Variants in LURAP1L observed in about 807,000 individuals in gnomAD.
LURAP1L encodes leucine rich adaptor protein 1 like, also known as leucine rich adaptor protein 1-like.
LURAP1L carries 12 observed loss-of-function variants against 13.8 expected under a neutral mutation model. That is an observed-to-expected ratio of 0.87 (90% confidence interval 0.56 to 1.41). The LOEUF (loss-of-function observed/expected upper bound fraction) is 1.41, where lower values mean the gene tolerates loss of function less well. Ranked by LOEUF, LURAP1L falls within the 40% of genes most tolerant of loss-of-function variation. The probability of loss-of-function intolerance (pLI) is 0.00; values close to 1 mark genes in which losing one functional copy is unlikely to be tolerated. For synonymous variants in LURAP1L, 139 were observed against 119.2 expected (o/e 1.17, Z -1.08); for missense variants, 375 against 292.9 (o/e 1.28, Z -2.04).
intron 1 of LURAP1L, among the ~76,000 whole-genome samples, chr9:12,778,581 G>C (rs1405804171): frequency 4.6e-5 from 7 of 152,254 alleles, no homozygotes; most frequent in African/African-American, 1.4e-4. Context: ...GACTGATGAA[G>C]GCCTAGATAT....
At chr9:12,797,251 A>T (rs886458376) in intron 1 of LURAP1L, among the ~76,000 whole-genome samples, 2 of 151,938 alleles carry the variant, frequency 1.3e-5, no homozygotes, top group Non-Finnish European at 2.9e-5. Flanking sequence ...ATCACCACCC[A>T]CTGCTCCTTA....
intron 1 of LURAP1L, among the ~76,000 whole-genome samples, chr9:12,778,394 G>A (rs953304102): frequency 2.0e-5 from 3 of 152,158 alleles, no homozygotes; most frequent in South Asian, 2.1e-4. Context: ...TGTTAACATA[G>A]GAATAAGAGC....
chr9:12,776,171 A>C, intron 1 of LURAP1L, 144 bp downstream of exon 1: 1 of 836,102 alleles, frequency 1.2e-6, no homozygotes, highest in Non-Finnish European at 1.9e-6. Context: ...TGGAGGAATG[A>C]GCAGGGGGCG....
chr9:12,808,342 A>G (rs1461551191), intron 1 of LURAP1L, among the ~76,000 whole-genome samples: 1 of 152,130 alleles, frequency 6.6e-6, no homozygotes, highest in African/African-American at 2.4e-5. Context: ...GTGGCAAAAT[A>G]TATATAACAT....
chr9:12,814,030 AGT>A, intron 1 of LURAP1L, among the ~76,000 whole-genome samples: 1 of 152,212 alleles, frequency 6.6e-6, no homozygotes, highest in East Asian at 1.9e-4. Context: ...TTATCTGTCA[AGT>A]GTGTGTTATA....
chr9:12,781,707 T>C (rs1819273802), intron 1 of LURAP1L, among the ~76,000 whole-genome samples: 1 of 152,234 alleles, frequency 6.6e-6, no homozygotes, highest in South Asian at 2.1e-4. Context: ...TGAATAGTGC[T>C]GCAATAGACA....
At chr9:12,816,194 A>G (rs1007221226) in intron 1 of LURAP1L, among the ~76,000 whole-genome samples, 4 of 152,238 alleles carry the variant, frequency 2.6e-5, no homozygotes, top group Non-Finnish European at 5.9e-5. Flanking sequence ...CTGAAATGTT[A>G]TAAGACGTTA....
chr9:12,776,878 T>C (rs1819193535), intron 1 of LURAP1L, among the ~76,000 whole-genome samples: 1 of 152,124 alleles, frequency 6.6e-6, no homozygotes, highest in African/African-American at 2.4e-5. Context: ...TGCCATGAGC[T>C]CTTGGGCACG....
intron 1 of LURAP1L, among the ~76,000 whole-genome samples, chr9:12,781,241 G>A (rs963984674): frequency 6.6e-6 from 1 of 152,140 alleles, no homozygotes; most frequent in Non-Finnish European, 1.5e-5. Context: ...AAAGTGCTGG[G>A]ATTACAGGTG....
chr9:12,821,621 T>C lies in LURAP1L; in HGVS notation c.548T>C (p.Leu183Pro). ...GATGGCATTTCCGTGGGAAGTTATC[T>C]GGACACGTTGGCGGATGATGTCCCA... ...GLDGISVGSYLDTLADDVPGH... is the reference protein window; with the variant it reads ...GLDGISVGSYPDTLADDVPGH... The change falls in exon 2 of 2, where the codon CTG becomes CCG. Residue 183 changes from leucine (L) to proline (P), a missense_variant. Transcript: ENST00000319264. 1 of 1,614,188 alleles carries C rather than the reference T, an allele frequency of 6.2e-7. No homozygotes were observed. Among genetic ancestry groups the C allele is most frequent in the Non-Finnish European group, 8.5e-7 (1 of 1,180,026 alleles).
chr9:12,779,266 C>CTTTTTT (rs71329885), intron 1 of LURAP1L, among the ~76,000 whole-genome samples: 5 of 90,258 alleles, frequency 5.5e-5, no homozygotes, highest in Non-Finnish European at 1.1e-4. Flanking sequence ...ATCTTATAAT[C>CTTTTTT]TTTTTTTTTT....
At chr9:12,814,702 A>G (rs1357669360) in intron 1 of LURAP1L, among the ~76,000 whole-genome samples, 4 of 152,218 alleles carry the variant, frequency 2.6e-5, no homozygotes, top group Non-Finnish European at 2.9e-5. Context: ...TACACCAGAT[A>G]CAGCTTTCTA....
In LURAP1L at chr9:12,776,016, A is replaced by C; in HGVS notation, c.301A>C (p.Arg101=). The C allele has an allele frequency of 6.2e-7, 1 of 1,612,590 alleles. No individual in the cohort carries two copies. Among genetic ancestry groups the C allele is most frequent in the Non-Finnish European group, 8.5e-7 (1 of 1,179,536 alleles). Residue 101 remains arginine (R), a synonymous_variant, in exon 1 of 2, where the codon AGG becomes CGG. Transcript: ENST00000319264. The part of the protein sequence containing the change: ...ERLETKLHLL[R]QEMVNLRATD... ...GCTAGAAACCAAGCTTCACCTCCTC[A>C]GGCAAGAGATGGTGAGTGTGGTGCG...
intron 1 of LURAP1L, among the ~76,000 whole-genome samples, chr9:12,811,842 C>T (rs567537979): frequency 2.6e-5 from 4 of 152,192 alleles, no homozygotes; most frequent in Non-Finnish European, 5.9e-5. Context: ...GTGAAGGCCC[C>T]TGGATCGGGG....
chr9:12,813,496 G>C (rs1317618846), intron 1 of LURAP1L, among the ~76,000 whole-genome samples: 2 of 152,050 alleles, frequency 1.3e-5, no homozygotes, highest in African/African-American at 4.8e-5. Flanking sequence ...GGCCATGTAG[G>C]AGTATTTATG....
At chr9:12,780,278 C>T (rs1819251546) in intron 1 of LURAP1L, among the ~76,000 whole-genome samples, 2 of 152,154 alleles carry the variant, frequency 1.3e-5, no homozygotes, top group Non-Finnish European at 2.9e-5. Flanking sequence ...ATATCAGTTG[C>T]ACAGCACTGT....
At chr9:12,809,115 A>G (rs536665332) in intron 1 of LURAP1L, among the ~76,000 whole-genome samples, 20 of 152,146 alleles carry the variant, frequency 1.3e-4, no homozygotes, top group Non-Finnish European at 2.6e-4. Context: ...ACGTAGAATG[A>G]TAACTCATTC....
intron 1 of LURAP1L, among the ~76,000 whole-genome samples, chr9:12,787,156 A>G (rs1819367688): frequency 6.6e-6 from 1 of 152,136 alleles, no homozygotes; most frequent in African/African-American, 2.4e-5. Context: ...TCCAATTCCT[A>G]TTCCCTAGAG....
intron 1 of LURAP1L, among the ~76,000 whole-genome samples, chr9:12,810,084 T>A (rs1414628966): frequency 6.6e-6 from 1 of 152,144 alleles, no homozygotes; most frequent in African/African-American, 2.4e-5. Flanking sequence ...TAAAATAGAT[T>A]CCCTTAGGGA....
Sources: allele counts gnomAD v4.1 joint callset (sites outside exome capture counted in the v4.1 genomes callset), GRCh38; gene constraint gnomAD v4.1.1; transcripts MANE v1.5; gene names NCBI Gene and HGNC (gene_info 2026-07-23, HGNC 2026-07-21).